The following GALNT13 variants were observed in gnomAD, a reference collection of about 807,000 sequenced individuals.
GALNT13 encodes the protein polypeptide N-acetylgalactosaminyltransferase 13.
Under a neutral mutation model 64.2 loss-of-function variants are expected in GALNT13, and 28 were observed. The observed-to-expected ratio is 0.44, with a 90% CI of 0.32 to 0.60. The LOEUF (loss-of-function observed/expected upper bound fraction) is 0.60. Among genes scored for constraint, GALNT13 ranks in the 20% least tolerant of loss-of-function variants. The pLI, the probability that GALNT13 is intolerant of heterozygous loss-of-function variation, is 0.05. For synonymous variants in GALNT13, 214 were observed against 224.6 expected (o/e 0.95, Z 0.42); for missense variants, 577 against 669.8 (o/e 0.86, Z 1.53).
chr2:153,187,201 C>A, the GALNT13 span, among the ~76,000 whole-genome samples: 2 of 152,104 alleles, frequency 1.3e-5, no homozygotes, highest in Non-Finnish European at 2.9e-5. Flanking sequence ...CATAGACAAA[C>A]CCTTTTAAAA....
At chr2:154,455,103 GA>G, downstream of GALNT13, among the ~76,000 whole-genome samples, 1 of 151,926 alleles carries the variant, frequency 6.6e-6, no homozygotes, top group East Asian at 1.9e-4. Context: ...TAATAAAAAG[GA>G]AAAAAGTGTA....
At chr2:153,498,028 C>A in the GALNT13 span, among the ~76,000 whole-genome samples, 1 of 152,172 alleles carries the variant, frequency 6.6e-6, no homozygotes, top group Non-Finnish European at 1.5e-5. Context: ...ACAAGCAAAC[C>A]TGCCGCTGTC....
At chr2:153,141,267 G>A in the GALNT13 span, among the ~76,000 whole-genome samples, 2 of 152,028 alleles carry the variant, frequency 1.3e-5, no homozygotes, top group Non-Finnish European at 2.9e-5. Context: ...TTGTGTTGGA[G>A]TGACATCTGG....
At chr2:153,179,567 T>C in the GALNT13 span, among the ~76,000 whole-genome samples, 25 of 152,196 alleles carry the variant, frequency 1.6e-4, no homozygotes, top group African/African-American at 5.5e-4. Context: ...TTTAGGTTTG[T>C]ATTTTTTCTA....
the GALNT13 span, among the ~76,000 whole-genome samples, chr2:153,566,482 G>A: frequency 6.6e-6 from 1 of 150,560 alleles, no homozygotes; most frequent in African/African-American, 2.4e-5. Flanking sequence ...AGCCTCCCGA[G>A]TAGCTGGGAC....
intron 8 of GALNT13, among the ~76,000 whole-genome samples, chr2:154,298,951 A>T (rs1237272033): frequency 7.5e-6 from 1 of 133,332 alleles, no homozygotes; most frequent in East Asian, 2.0e-4. Context: ...TTTCCTAAGA[A>T]CATGTATCGC....
chr2:153,082,608 T>TATAAATAA, the GALNT13 span, among the ~76,000 whole-genome samples: 2 of 44,942 alleles, frequency 4.5e-5, no homozygotes, highest in African/African-American at 2.1e-4. Context: ...TATATATATA[T>TATAAATAA]ATATATATAT....
At chr2:154,209,040 C>T (rs1216859984) in intron 4 of GALNT13, among the ~76,000 whole-genome samples, 2 of 151,926 alleles carry the variant, frequency 1.3e-5, no homozygotes, top group South Asian at 2.1e-4. Context: ...TCTAAACTGC[C>T]CTAATTCCAG....
At chr2:153,097,347 A>C in the GALNT13 span, among the ~76,000 whole-genome samples, 5 of 152,138 alleles carry the variant, frequency 3.3e-5, no homozygotes, top group Admixed American at 6.5e-5. Context: ...TGTACTTACT[A>C]TTACCAGTAA....
chr2:154,166,466 G>T (rs1289839083), intron 4 of GALNT13, among the ~76,000 whole-genome samples: 1 of 152,184 alleles, frequency 6.6e-6, no homozygotes, highest in Admixed American at 6.5e-5. Context: ...TCATTAAAAA[G>T]TCAGGAAACA....
At chr2:153,239,719 T>C in the GALNT13 span, among the ~76,000 whole-genome samples, 9 of 152,324 alleles carry the variant, frequency 5.9e-5, no homozygotes, top group East Asian at 1.7e-3. Flanking sequence ...ATTGTTAAAT[T>C]TAGTTTGCTA....
the GALNT13 span, among the ~76,000 whole-genome samples, chr2:153,208,973 C>CTTTTTTTTTTGTTTTTTTTT: frequency 1.3e-5 from 1 of 74,682 alleles, no homozygotes; most frequent in Non-Finnish European, 2.4e-5. Context: ...TGGTTTTGGT[C>CTTTTTTTTTTGTTTTTTTTT]TTTTTTTTTT....
At chr2:154,124,788 T>C (rs1350509228) in intron 3 of GALNT13, among the ~76,000 whole-genome samples, 1 of 152,128 alleles carries the variant, frequency 6.6e-6, no homozygotes, top group East Asian at 1.9e-4. Context: ...TGAAAATTCT[T>C]CAATGAAATG....
intron 3 of GALNT13, among the ~76,000 whole-genome samples, chr2:153,986,766 G>T (rs760089624): frequency 1.1e-4 from 16 of 152,012 alleles, no homozygotes; most frequent in East Asian, 1.9e-4. Flanking sequence ...TAACAAAGTG[G>T]ATGAAGGGGA....
At chr2:153,741,719 A>G in the GALNT13 span, among the ~76,000 whole-genome samples, 1 of 152,140 alleles carries the variant, frequency 6.6e-6, no homozygotes, top group East Asian at 1.9e-4. Flanking sequence ...AAATCTGTGC[A>G]TATATCACCA....
intron 3 of GALNT13, among the ~76,000 whole-genome samples, chr2:154,013,315 CG>C (rs1696770882): frequency 1.7e-5 from 1 of 59,420 alleles, no homozygotes; most frequent in Non-Finnish European, 3.6e-5. Context: ...TCCAGGGGGC[CG>C]GGAAGCCCCA....
intron 9 of GALNT13, among the ~76,000 whole-genome samples, chr2:154,377,971 C>T (rs1698079341): frequency 6.6e-6 from 1 of 152,088 alleles, no homozygotes; most frequent in African/African-American, 2.4e-5. Context: ...ACGTGCCACC[C>T]TTTTGGAGTG....
At chr2:154,426,402 G>A (rs144742327) in intron 11 of GALNT13, among the ~76,000 whole-genome samples, 231 of 152,274 alleles carry the variant, frequency 1.5e-3, no homozygotes, top group African/African-American at 5.4e-3. Flanking sequence ...TGAAATGACT[G>A]TCCTGTCATG....
At chr2:153,607,231 G>A in the GALNT13 span, among the ~76,000 whole-genome samples, 4 of 152,142 alleles carry the variant, frequency 2.6e-5, no homozygotes, top group African/African-American at 9.6e-5. Context: ...AGTTAGGCAA[G>A]CTCCTTAGAA....
Sources: allele counts gnomAD v4.1 joint callset (sites outside exome capture counted in the v4.1 genomes callset), GRCh38; gene constraint gnomAD v4.1.1; transcripts MANE v1.5; gene names NCBI Gene and HGNC (gene_info 2026-07-23, HGNC 2026-07-21).